Variants in TMEM232 observed in about 807,000 individuals in gnomAD.
The protein encoded by TMEM232 is transmembrane protein 232.
In TMEM232, 80 loss-of-function variants were observed where a neutral mutation model predicts 78.8. The observed-to-expected ratio is 1.01, with a 90% confidence interval of 0.85 to 1.22. The LOEUF (loss-of-function observed/expected upper bound fraction) is 1.22, where lower values mean the gene tolerates loss of function less well. Ranked by LOEUF, TMEM232 falls within the 50% of genes most tolerant of loss-of-function variation. The pLI, the probability that TMEM232 is intolerant of heterozygous loss-of-function variation, is 0.00. For missense variants in TMEM232, 881 were observed against 742.2 expected (o/e 1.19, Z -2.17); for synonymous variants, 297 against 254.3 (o/e 1.17, Z -1.60).
chr5:110,637,556 T>C (rs551895263), intron 5 of TMEM232, among the ~76,000 whole-genome samples: 2 of 151,376 alleles, frequency 1.3e-5, no homozygotes, highest in East Asian at 3.9e-4. Context: ...TTCATTCATA[T>C]ATATATGAAC....
intron 3 of TMEM232, among the ~76,000 whole-genome samples, chr5:110,396,222 T>A (rs746467553): frequency 5.3e-5 from 8 of 152,064 alleles, no homozygotes; most frequent in Non-Finnish European, 1.2e-4. Context: ...GAGAACTCCC[T>A]CACTATTTTG....
intron 12 of TMEM232, among the ~76,000 whole-genome samples, chr5:110,443,253 C>A (rs1382117421): frequency 6.6e-6 from 1 of 152,104 alleles, no homozygotes; most frequent in Non-Finnish European, 1.5e-5. Context: ...AGAAGTTTAC[C>A]GATGTTCTAT....
chr5:110,573,647 T>C (rs1392400672), intron 10 of TMEM232, among the ~76,000 whole-genome samples: 2 of 152,042 alleles, frequency 1.3e-5, no homozygotes, highest in Non-Finnish European at 2.9e-5. Flanking sequence ...ATGAGAATAA[T>C]AGAAGATGGT....
chr5:110,645,601 A>G (rs1286338318), intron 2 of TMEM232, among the ~76,000 whole-genome samples: 1 of 151,574 alleles, frequency 6.6e-6, no homozygotes, highest in Non-Finnish European at 1.5e-5. Context: ...CATATCAAAA[A>G]CCACAGCCAA....
At chr5:110,520,957 C>A (rs1769414613) in intron 12 of TMEM232, among the ~76,000 whole-genome samples, 2 of 152,092 alleles carry the variant, frequency 1.3e-5, no homozygotes, top group African/African-American at 2.4e-5. Flanking sequence ...TGTTCCAATT[C>A]TGTGGGTGAG....
intron 10 of TMEM232, among the ~76,000 whole-genome samples, chr5:110,588,518 G>T (rs1288352892): frequency 6.6e-6 from 1 of 152,124 alleles, no homozygotes; most frequent in Non-Finnish European, 1.5e-5. Context: ...AGTAAGCAAA[G>T]AGATGAGAGA....
chr5:110,665,654 C>T (rs1461410594), intron 2 of TMEM232, among the ~76,000 whole-genome samples: 1 of 151,246 alleles, frequency 6.6e-6, no homozygotes, highest in Non-Finnish European at 1.5e-5. Flanking sequence ...CCACCAGGTC[C>T]CTCATTTGAC....
intron 12 of TMEM232, among the ~76,000 whole-genome samples, chr5:110,508,720 T>C (rs1325450372): frequency 6.7e-6 from 1 of 150,220 alleles, no homozygotes; most frequent in African/African-American, 2.4e-5. Flanking sequence ...CTTTCACGAA[T>C]GAAAAGGAAG....
intron 1 of TMEM232, among the ~76,000 whole-genome samples, chr5:110,680,153 C>T (rs920461308): frequency 6.6e-6 from 1 of 151,984 alleles, no homozygotes; most frequent in African/African-American, 2.4e-5. Flanking sequence ...AATCCCAGCA[C>T]TTTGGGAGGC....
At chr5:110,626,185 G>T (rs12517781) in intron 6 of TMEM232, among the ~76,000 whole-genome samples, 41,227 of 151,352 alleles carry the variant, frequency 0.27, 6,859 homozygotes, top group Middle Eastern at 0.37. Flanking sequence ...GTGAAAGAAA[G>T]ATTTTTTTTT....
In TMEM232 at chr5:110,710,201, T is replaced by C. The variant is rs571784348; in HGVS notation, c.-13+16426A>G. On this transcript the variant is annotated intron_variant, in intron 1 of 13. Transcript: ENST00000455884. ...GCTAAACACATACAACCTACCAAGA[T>C]TGAACCATGAAGAAATTCTTAATCT... Among the ~76,000 whole-genome samples, 22 of 152,056 alleles carry C rather than the reference T, an allele frequency of 1.4e-4. 1 individual carries two copies. The highest frequency in any genetic ancestry group is 5.9e-4 in the Admixed American group (9 of 15,264).
At chr5:110,541,314 C>A (rs552552550) in intron 11 of TMEM232, among the ~76,000 whole-genome samples, 35 of 152,266 alleles carry the variant, frequency 2.3e-4, no homozygotes, top group Middle Eastern at 3.4e-3. Flanking sequence ...AGGAGAGGAG[C>A]TTATCCAGGG....
chr5:110,511,076 A>C (rs1767676247), intron 12 of TMEM232, among the ~76,000 whole-genome samples: 1 of 152,218 alleles, frequency 6.6e-6, no homozygotes, highest in African/African-American at 2.4e-5. Flanking sequence ...TAGGTAAAGA[A>C]AATTTGGCAC....
chr5:110,458,210 C>A (rs190344023), intron 12 of TMEM232, among the ~76,000 whole-genome samples: 1 of 151,398 alleles, frequency 6.6e-6, no homozygotes, highest in East Asian at 2.0e-4. Flanking sequence ...TCTTCTCTAC[C>A]CCTCACTTGT....
intron 8 of TMEM232, among the ~76,000 whole-genome samples, chr5:110,613,402 T>C (rs1253645046): frequency 6.6e-6 from 1 of 152,176 alleles, no homozygotes; most frequent in East Asian, 1.9e-4. Flanking sequence ...CCACTATAAA[T>C]AAAATTTCTT....
intron 5 of TMEM232, among the ~76,000 whole-genome samples, chr5:110,629,466 T>TC (rs1784842972): frequency 1.6e-4 from 24 of 152,258 alleles, no homozygotes; most frequent in Admixed American, 1.2e-3. Context: ...TTCCATATTG[T>TC]ATACTGGACT....
chr5:110,469,709 ATCCCC>A (rs1430346370), intron 12 of TMEM232, among the ~76,000 whole-genome samples: 5 of 152,260 alleles, frequency 3.3e-5, no homozygotes, highest in African/African-American at 1.2e-4. Context: ...AGAGCTGTCA[ATCCCC>A]TCAGCCTGAG....
chr5:110,393,479 A>C lies in TMEM232; in HGVS notation n.391-2839T>G, dbSNP rs528115112. Among the ~76,000 whole-genome samples the C allele has an allele frequency of 8.5e-5, 13 of 152,238 alleles. No homozygotes were observed. The Middle Eastern group carries it at 0.01, about 119-fold the overall frequency. ...GCTTTCTTTTGCTTAGTATTTGCATAGTATATCCTTTTTCATCTCTTTTAT... is the reference window on the plus strand; with the variant it reads ...GCTTTCTTTTGCTTAGTATTTGCATCGTATATCCTTTTTCATCTCTTTTAT... On this transcript the variant is annotated intron_variant and non_coding_transcript_variant, in intron 3 of 8. Coordinates refer to the TMEM232 transcript ENST00000507188.
downstream of TMEM232, among the ~76,000 whole-genome samples, chr5:110,414,714 A>C (rs756453888): frequency 6.6e-6 from 1 of 152,274 alleles, no homozygotes; most frequent in East Asian, 1.9e-4. Context: ...TTTGGTTTTT[A>C]TATTCCTTTT....
Sources: gnomAD v4.1 joint callset for allele counts (sites outside exome capture counted in the v4.1 genomes callset) on GRCh38, gnomAD v4.1.1 for gene constraint, MANE v1.5 for transcripts, NCBI Gene and HGNC (gene_info 2026-07-23, HGNC 2026-07-21) for gene names.